SLCO1B3: variants seen among roughly 807,000 people sequenced by gnomAD.
SLCO1B3 encodes the protein liver-specific organic anion transporter 2.
Under a neutral mutation model 71.8 loss-of-function variants are expected in SLCO1B3, and 72 were observed. The ratio of observed to expected loss-of-function variants is 1.00; its 90% CI spans 0.83 to 1.22. The LOEUF is 1.22. SLCO1B3 is among the 50% of genes most tolerant of loss of function. The probability of loss-of-function intolerance (pLI) is 0.00; values close to 1 mark genes in which losing one functional copy is unlikely to be tolerated. For missense variants in SLCO1B3, 911 were observed against 819.7 expected (o/e 1.11, Z -1.36); for synonymous variants, 298 against 278.4 (o/e 1.07, Z -0.70).
chr12:20,837,889 C>T (rs1357991585), intron 3 of SLCO1B3, among the ~76,000 whole-genome samples: 4 of 151,974 alleles, frequency 2.6e-5, no homozygotes, highest in African/African-American at 4.8e-5. Context: ...TCTGTTTCTG[C>T]CTGCTGGATT....
chr12:20,856,935 A>G (rs1401768198), intron 4 of SLCO1B3, among the ~76,000 whole-genome samples: 1 of 150,710 alleles, frequency 6.6e-6, no homozygotes, highest in Non-Finnish European at 1.5e-5. Flanking sequence ...AGAACCAATA[A>G]CCAGTGGACA....
intron 13 of SLCO1B3, among the ~76,000 whole-genome samples, chr12:20,891,643 C>G (rs1865905750): frequency 6.6e-6 from 1 of 152,038 alleles, no homozygotes; most frequent in Non-Finnish European, 1.5e-5. Flanking sequence ...TTCTTCTTCT[C>G]CCTCTGGAAT....
chr12:20,907,589 A>G (rs1591792960), intron 15 of SLCO1B3, among the ~76,000 whole-genome samples: 1 of 145,050 alleles, frequency 6.9e-6, no homozygotes, highest in Non-Finnish European at 1.5e-5. Flanking sequence ...GCTCACTGCA[A>G]CCTCCGACTC....
chr12:20,888,754 C>G (rs1865841346), intron 13 of SLCO1B3, among the ~76,000 whole-genome samples: 1 of 152,012 alleles, frequency 6.6e-6, no homozygotes, highest in Non-Finnish European at 1.5e-5. Flanking sequence ...AGTGGGCATC[C>G]TCATCTTGGG....
chr12:20,859,826 C>T (rs1344526255), intron 5 of SLCO1B3, among the ~76,000 whole-genome samples: 1 of 152,060 alleles, frequency 6.6e-6, no homozygotes, highest in Admixed American at 6.6e-5. Context: ...TTTCTACAGA[C>T]TTGAATACTT....
chr12:20,853,197 C>T (rs768045316), intron 3 of SLCO1B3, among the ~76,000 whole-genome samples: 1 of 152,000 alleles, frequency 6.6e-6, no homozygotes, highest in Non-Finnish European at 1.5e-5. Flanking sequence ...TATCAATATT[C>T]ACCAGGAATA....
chr12:20,828,528 A>T (rs1384914760), intron 3 of SLCO1B3, among the ~76,000 whole-genome samples: 1 of 152,118 alleles, frequency 6.6e-6, no homozygotes, highest in Non-Finnish European at 1.5e-5. Context: ...ATGTAGAAGT[A>T]AATGAATGAA....
At chr12:20,832,162 T>C (rs1193645455) in intron 3 of SLCO1B3, among the ~76,000 whole-genome samples, 1 of 152,188 alleles carries the variant, frequency 6.6e-6, no homozygotes, top group Admixed American at 6.5e-5. Context: ...ATATACCTTA[T>C]TCCATATTAT....
At chr12:20,822,622 C>T (rs140097376) in intron 3 of SLCO1B3, among the ~76,000 whole-genome samples, 110 of 152,184 alleles carry the variant, frequency 7.2e-4, no homozygotes, top group Admixed American at 1.2e-3. Flanking sequence ...CTGACAGTGG[C>T]AATGTATGGC....
chr12:20,898,801 A>T (rs1311498557), intron 14 of SLCO1B3, among the ~76,000 whole-genome samples: 2 of 152,176 alleles, frequency 1.3e-5, no homozygotes, highest in African/African-American at 4.8e-5. Flanking sequence ...TTCTTTCAGG[A>T]AAATAAGAAT....
At position 20,897,668 on chromosome 12, in the gene SLCO1B3, C is replaced by A. The variant is rs958173538; in HGVS notation, c.1683-768C>A. On this transcript the variant is annotated intron_variant, in intron 13 of 15. Transcript: ENST00000381545. ...ATCCAACACTTCGAGGAGAAAAAAA[C>A]CCTTTTTATCAGTTAATTCAACATT... Among the ~76,000 whole-genome samples, 9 of 152,266 alleles carry A rather than the reference C, an allele frequency of 5.9e-5. 1 individual carries two copies. Among genetic ancestry groups the A allele is most frequent in the Admixed American group, 1.3e-4 (2 of 15,298 alleles).
Position 20,916,365 on chromosome 12 carries a change from A to G in SLCO1B3, c.*118A>G, listed in dbSNP as rs112861267. On this transcript the variant is annotated 3_prime_UTR_variant, in exon 16 of 16. Transcript: ENST00000381545. ...TAAGTCTATGCATCTATAATAAACTATAAAAAATGGGAGTACCCATGGTTA... is the reference window on the plus strand; with the variant it reads ...TAAGTCTATGCATCTATAATAAACTGTAAAAAATGGGAGTACCCATGGTTA... 4 of 951,666 alleles carry G rather than the reference A, an allele frequency of 4.2e-6. No homozygotes were observed. The highest frequency in any genetic ancestry group is 6.3e-6 in the Non-Finnish European group (4 of 634,814). 59.0% of individuals were successfully genotyped at this position (951,666 alleles called of 1,614,324 possible).
At chr12:20,833,678 T>TA (rs1864596848) in intron 3 of SLCO1B3, among the ~76,000 whole-genome samples, 1 of 148,530 alleles carries the variant, frequency 6.7e-6, no homozygotes, top group Non-Finnish European at 1.5e-5. Context: ...ATACATACAC[T>TA]TTATGGTATA....
chr12:20,875,331 C>T lies in SLCO1B3; in HGVS notation c.824C>T (p.Pro275Leu), dbSNP rs1865557379. 1 of 1,613,072 alleles carries T rather than the reference C, an allele frequency of 6.2e-7. No individual in the cohort carries two copies. The highest frequency in any genetic ancestry group is 8.5e-7 in the Non-Finnish European group (1 of 1,179,486). ...SGLFSIISSI[P>L]FFFLPKNPNK... ...CTATTTTCCATTATTTCTTCCATAC[C>T]ATTTTTTTTCTTGCCGAAAAATCCA... The change falls in exon 9 of 16, where the codon CCA becomes CTA. Residue 275 changes from proline (P) to leucine (L), a missense_variant. Transcript: ENST00000381545.
At chr12:20,855,311 T>G in intron 4 of SLCO1B3, 142 bp downstream of exon 4, 1 of 730,116 alleles carries the variant, frequency 1.4e-6, no homozygotes, top group Non-Finnish European at 2.2e-6. Context: ...AGGATATTTT[T>G]GTTGCTATAA....
intron 3 of SLCO1B3, among the ~76,000 whole-genome samples, chr12:20,845,668 G>A (rs1367528751): frequency 6.6e-6 from 1 of 152,166 alleles, no homozygotes; most frequent in Non-Finnish European, 1.5e-5. Flanking sequence ...AATGTTCCAT[G>A]TGTTGATGAC....
At position 20,880,566 on chromosome 12, in the gene SLCO1B3, C is replaced by T. The variant is rs527258686; in HGVS notation, c.1332-289C>T. On this transcript the variant is annotated intron_variant, in intron 11 of 15. Coordinates refer to ENST00000381545, the MANE Select transcript of SLCO1B3 (RefSeq NM_019844.4). The stretch of plus-strand genomic sequence containing the variant: ...GACCTCTTGTCTAAGTCTTATCTAA[C>T]CTCTTTTATTTCTTTTTTAATTTTT... Among the ~76,000 whole-genome samples the T allele has an allele frequency of 3.3e-5, 5 of 151,850 alleles. No individual in the cohort carries two copies. The South Asian group carries it at 8.3e-4, about 25-fold the overall frequency.
chr12:20,897,584 T>C (rs150659498), intron 13 of SLCO1B3, among the ~76,000 whole-genome samples: 2 of 152,338 alleles, frequency 1.3e-5, no homozygotes, highest in East Asian at 3.9e-4. Context: ...TATCTCTTAG[T>C]AGGTGCTTAG....
At chr12:20,894,504 C>A (rs1030111417) in intron 13 of SLCO1B3, among the ~76,000 whole-genome samples, 2 of 152,126 alleles carry the variant, frequency 1.3e-5, no homozygotes, top group Non-Finnish European at 2.9e-5. Flanking sequence ...GCAAGTCCCC[C>A]CAAGTCTCCT....
Sources: gnomAD v4.1 joint callset for allele counts (sites outside exome capture counted in the v4.1 genomes callset) on GRCh38, gnomAD v4.1.1 for gene constraint, MANE v1.5 for transcripts, NCBI Gene and HGNC (gene_info 2026-07-23, HGNC 2026-07-21) for gene names.